Variants in GUF1 observed in about 807,000 individuals in gnomAD.
The protein encoded by GUF1 is translation factor GUF1, mitochondrial.
In GUF1, 78 loss-of-function variants were observed where a neutral mutation model predicts 82.4. The ratio of observed to expected loss-of-function variants is 0.95; its 90% confidence interval spans 0.79 to 1.14. GUF1 has a LOEUF of 1.14. GUF1 is among the 50% of genes most tolerant of loss of function. The probability of loss-of-function intolerance (pLI) is 0.00; values close to 1 mark genes in which losing one functional copy is unlikely to be tolerated. For missense variants in GUF1, 814 were observed against 798.2 expected (o/e 1.02, Z -0.24); for synonymous variants, 279 against 282.3 (o/e 0.99, Z 0.12).
chr4:44,680,499 C>T lies in GUF1; in HGVS notation c.224C>T (p.Ala75Val). 6.2e-7 allele frequency: 1 copy of T among 1,609,778 alleles called. No individual in the cohort carries two copies. Among genetic ancestry groups the T allele is most frequent in the Non-Finnish European group, 8.5e-7 (1 of 1,177,726 alleles). Residue 75 changes from alanine (A) to valine (V), a missense_variant, in exon 2 of 17, where the codon GCA becomes GTA. Physicochemically the swap from Ala to Val is moderately conservative, Grantham distance 64 (BLOSUM62 0). Transcript: ENST00000281543. ...AATATTAGAAATTTCAGTATTGTTGCACACGTGGATCATGGCAAAAGTACT... is the reference window on the plus strand; with the variant it reads ...AATATTAGAAATTTCAGTATTGTTGTACACGTGGATCATGGCAAAAGTACT... ...VENIRNFSIV[A>V]HVDHGKSTLA... is the part of the protein sequence containing the mutation.
At chr4:44,691,873 C>T in intron 13 of GUF1, 74 bp downstream of exon 13, 1 of 1,010,828 alleles carries the variant, frequency 9.9e-7, no homozygotes, top group Non-Finnish European at 1.4e-6. Flanking sequence ...TATACTAATT[C>T]TTCATTTATT....
chr4:44,698,625 G>T lies in GUF1; in HGVS notation c.1954G>T (p.Val652Phe), dbSNP rs201662175. 3 of 1,609,964 alleles carry T rather than the reference G, an allele frequency of 1.9e-6. No individual in the cohort carries two copies. The highest frequency in any genetic ancestry group is 2.5e-6 in the Non-Finnish European group (3 of 1,178,676). ...GKKKLRKIGNVEVPKDAFIKV... is the reference protein window; with the variant it reads ...GKKKLRKIGNFEVPKDAFIKV... ...AAAAAAGCTGAGGAAAATTGGCAACGTTGAAGTTCCAAAAGATGCTTTTAT... is the reference window on the plus strand; with the variant it reads ...AAAAAAGCTGAGGAAAATTGGCAACTTTGAAGTTCCAAAAGATGCTTTTAT... The change falls in exon 17 of 17, where the codon GTT (valine) becomes TTT (phenylalanine). Residue 652 changes from valine to phenylalanine, a missense_variant. Coordinates refer to ENST00000281543, the MANE Select transcript of GUF1 (RefSeq NM_021927.3).
chr4:44,688,012 C>A lies in GUF1; in HGVS notation c.944C>A (p.Ala315Glu), dbSNP rs577666645. The change falls in exon 9 of 17, where the codon GCA (alanine) becomes GAA (glutamate). Residue 315 changes from alanine to glutamate, a missense_variant. Transcript: ENST00000281543. ...CATATAATAATTTTATTTAGATATG[C>A]AGGACAGGTGGGCTATCTGATTGCT... ...PNEQPTHKLYAGQVGYLIAGM... is the reference protein window; with the variant it reads ...PNEQPTHKLYEGQVGYLIAGM... The A allele has an allele frequency of 2.5e-6, 4 of 1,610,344 alleles. No homozygotes were observed. Among genetic ancestry groups the A allele is most frequent in the Non-Finnish European group, 3.4e-6 (4 of 1,177,584 alleles).
rs1351201924 is a variant in GUF1, at chr4:44,680,834, G to C, written c.418G>C (p.Asp140His). 2 of 1,606,390 alleles carry C rather than the reference G, an allele frequency of 1.2e-6. No homozygotes were observed. The highest frequency in any genetic ancestry group is 1.7e-6 in the Non-Finnish European group (2 of 1,176,012). ...EGKQYLLNLI[D>H]TPGHVDFSYE... is the part of the protein sequence containing the mutation. ...AAAGCAGTACCTTTTAAATCTCATT[G>C]ATACACCGGTAAGTTTAATATTAAT... Residue 140 changes from aspartate to histidine, a missense_variant, in exon 3 of 17, where the codon GAT (aspartate) becomes CAT (histidine). Asp to His is a moderately conservative substitution (Grantham distance 81). Transcript: ENST00000281543.
Position 44,678,629 on chromosome 4 carries a change from A to G in GUF1, c.7A>G (p.Thr3Ala). Residue 3 changes from threonine (T) to alanine (A), a missense_variant, in exon 1 of 17, where the codon ACC (threonine) becomes GCC (alanine). Thr to Ala is a moderately conservative substitution (Grantham distance 58). Coordinates refer to ENST00000281543, the MANE Select transcript of GUF1 (RefSeq NM_021927.3). Reference protein sequence around the residue: MWTLVGRGWGCAR... With the variant: MWALVGRGWGCAR... ...CGCCTCCGCCGCCCGGGTCATGTGG[A>G]CCCTCGTGGGTCGGGGCTGGGGGTG... The G allele has an allele frequency of 2.1e-6, 3 of 1,459,422 alleles. No homozygotes were observed. Among genetic ancestry groups the G allele is most frequent in the Non-Finnish European group, 2.7e-6 (3 of 1,117,278 alleles). 90.4% of individuals were successfully genotyped at this position (1,459,422 alleles called of 1,614,324 possible). A position where few individuals can be genotyped will look rare whatever the true frequency, so the allele number is the denominator to read the frequency against.
At position 44,686,591 on chromosome 4, in the gene GUF1, T is replaced by C. The variant is rs1280226467; in HGVS notation, c.816T>C (p.Asn272=). ...TFDQYRGVIA[N]VALFDGVVSK... ...ACCAGTATAGAGGTGTGATAGCCAA[T>C]GTAGCATTATTTGACGGAGTGGTTT... is the stretch of plus-strand genomic sequence containing the variant. The change falls in exon 8 of 17, where the codon AAT becomes AAC. Residue 272 remains asparagine, a synonymous_variant. Coordinates refer to ENST00000281543, the MANE Select transcript of GUF1 (RefSeq NM_021927.3). The C allele has an allele frequency of 6.2e-7, 1 of 1,612,368 alleles. No homozygotes were observed. Among genetic ancestry groups the C allele is most frequent in the Non-Finnish European group, 8.5e-7 (1 of 1,178,696 alleles).
At chr4:44,689,778 TAA>T (rs11373408) in intron 10 of GUF1, 63 bp from the exon 11 acceptor site, 126 of 1,059,244 alleles carry the variant, frequency 1.2e-4, no homozygotes, top group South Asian at 3.3e-4. Flanking sequence ...ATATGTTCAT[TAA>T]AAAAAAAAAA....
Position 44,680,786 on chromosome 4 carries a change from T to C in GUF1, c.370T>C (p.Ser124Pro). Residue 124 changes from serine (S) to proline (P), a missense_variant, in exon 3 of 17, where the codon TCT becomes CCT. By Grantham distance (74) the Ser-to-Pro change is moderately conservative. Coordinates refer to ENST00000281543, the MANE Select transcript of GUF1 (RefSeq NM_021927.3). ...AATCACTGTTAAAGCACAGACAGCA[T>C]CTCTCTTTTACAATTGTGAAGGAAA... ...RGITVKAQTA[S>P]LFYNCEGKQY... The C allele has an allele frequency of 6.2e-7, 1 of 1,612,204 alleles. No individual in the cohort carries two copies. The highest frequency in any genetic ancestry group is 8.5e-7 in the Non-Finnish European group (1 of 1,178,604).
At chr4:44,694,662 C>T (rs961591492) in intron 14 of GUF1, 149 bp downstream of exon 14, 1 of 593,794 alleles carries the variant, frequency 1.7e-6, no homozygotes, top group Non-Finnish European at 3.0e-6. Context: ...TTTTTTTCCA[C>T]ACTTCTCTCT....
chr4:44,682,119 G>A, intron 4 of GUF1: 1 of 345,082 alleles, frequency 2.9e-6, no homozygotes, highest in Non-Finnish European at 5.3e-6. Context: ...TACTTGATGT[G>A]ATTATTGCTT....
At position 44,682,367 on chromosome 4, in the gene GUF1, C is replaced by T; in HGVS notation, c.541C>T (p.Leu181Phe). The T allele has an allele frequency of 6.5e-7, 1 of 1,543,380 alleles. No homozygotes were observed. Among genetic ancestry groups the T allele is most frequent in the Non-Finnish European group, 8.7e-7 (1 of 1,146,092 alleles). The change falls in exon 5 of 17, where the codon CTT (leucine) becomes TTT (phenylalanine). Residue 181 changes from leucine to phenylalanine, a missense_variant. By Grantham distance (22) the Leu-to-Phe change is conservative. Coordinates refer to ENST00000281543, the MANE Select transcript of GUF1 (RefSeq NM_021927.3). ...AGCCCAAACTGTAGCAAACTTCTTTCTTGCCTTCGAAGCACAGCTATCGGT... is the reference window on the plus strand; with the variant it reads ...AGCCCAAACTGTAGCAAACTTCTTTTTTGCCTTCGAAGCACAGCTATCGGT... The part of the protein sequence containing the change: ...IQAQTVANFF[L>F]AFEAQLSVIP...
At position 44,678,703 on chromosome 4, in the gene GUF1, C is replaced by T; in HGVS notation, c.81C>T (p.Ala27=). Residue 27 remains alanine, a synonymous_variant, in exon 1 of 17, where the codon GCC becomes GCT. Coordinates refer to ENST00000281543, the MANE Select transcript of GUF1 (RefSeq NM_021927.3). ...PRATGAALLV[A]PGPRSAPTLG... is the part of the protein sequence containing the mutation. ...CCACTGGGGCCGCGCTTCTGGTGGC[C>T]CCGGGGCCCCGGTCCGCGCCGACCC... is the stretch of plus-strand genomic sequence containing the variant. 4 of 1,507,562 alleles carry T rather than the reference C, an allele frequency of 2.7e-6. No homozygotes were observed. Among genetic ancestry groups the T allele is most frequent in the Non-Finnish European group, 2.6e-6 (3 of 1,141,950 alleles). 93.4% of individuals were successfully genotyped at this position (1,507,562 alleles called of 1,614,324 possible). A position where few individuals can be genotyped will look rare whatever the true frequency, so the allele number is the denominator to read the frequency against.
chr4:44,680,484 A>G lies in GUF1; in HGVS notation c.209A>G (p.Asn70Ser). 6.2e-7 allele frequency: 1 copy of G among 1,608,284 alleles called. No homozygotes were observed. Among genetic ancestry groups the G allele is most frequent in the Non-Finnish European group, 8.5e-7 (1 of 1,176,836 alleles). ...MSRFPVENIR[N>S]FSIVAHVDHG... is the part of the protein sequence containing the mutation. ...AGGTTTCCTGTTGAAAATATTAGAA[A>G]TTTCAGTATTGTTGCACACGTGGAT... Residue 70 changes from asparagine (N) to serine (S), a missense_variant, in exon 2 of 17, where the codon AAT becomes AGT. Transcript: ENST00000281543.
chr4:44,685,858 T>G, intron 6 of GUF1, 101 bp from the exon 7 acceptor site: 1 of 704,310 alleles, frequency 1.4e-6, no homozygotes, highest in Non-Finnish European at 2.4e-6. Context: ...TGATAACTAT[T>G]GGAATTTTTT....
chr4:44,687,412 T>C (rs1341497740), intron 8 of GUF1, among the ~76,000 whole-genome samples: 3 of 152,012 alleles, frequency 2.0e-5, no homozygotes, highest in Admixed American at 2.0e-4. Context: ...TTTTAACATC[T>C]ATTTATATTC....
intron 13 of GUF1, among the ~76,000 whole-genome samples, chr4:44,693,624 G>T (rs1715589423): frequency 6.6e-6 from 1 of 152,004 alleles, no homozygotes; most frequent in African/African-American, 2.4e-5. Context: ...TGCAAGTCCA[G>T]GCACCAATTG....
chr4:44,694,665 TTC>T, intron 14 of GUF1, 152 bp downstream of exon 14: 1 of 591,948 alleles, frequency 1.7e-6, no homozygotes, highest in Non-Finnish European at 3.0e-6. Flanking sequence ...TTTTCCACAC[TTC>T]TCTCTAGACT....
chr4:44,680,831 A>T lies in GUF1; in HGVS notation c.415A>T (p.Ile139Phe), dbSNP rs765661931. Reference sequence around the variant, plus strand: ...AGGAAAGCAGTACCTTTTAAATCTCATTGATACACCGGTAAGTTTAATATT... The same window carrying T: ...AGGAAAGCAGTACCTTTTAAATCTCTTTGATACACCGGTAAGTTTAATATT... ...CEGKQYLLNL[I>F]DTPGHVDFSY... Residue 139 changes from isoleucine (I) to phenylalanine (F), a missense_variant, in exon 3 of 17, where the codon ATT becomes TTT. Transcript: ENST00000281543. 6.3e-7 allele frequency: 1 copy of T among 1,589,476 alleles called. No individual in the cohort carries two copies. The highest frequency in any genetic ancestry group is 1.7e-5 in the Admixed American group (1 of 58,964).
chr4:44,679,378 G>C (rs921942268), intron 1 of GUF1, among the ~76,000 whole-genome samples: 1 of 152,160 alleles, frequency 6.6e-6, no homozygotes, highest in African/African-American at 2.4e-5. Context: ...TGGTGGGAGA[G>C]GGTGGGAGGT....
Sources: allele counts gnomAD v4.1 joint callset (sites outside exome capture counted in the v4.1 genomes callset), GRCh38; gene constraint gnomAD v4.1.1; transcripts MANE v1.5; gene names NCBI Gene and HGNC (gene_info 2026-07-23, HGNC 2026-07-21).